MON2: variants seen among roughly 807,000 people sequenced by gnomAD.
MON2 encodes protein MON2 homolog.
Under a neutral mutation model 208.6 loss-of-function variants are expected in MON2, and 84 were observed. That is an observed-to-expected ratio of 0.40 (90% confidence interval 0.34 to 0.48). The LOEUF is 0.48. Ranked by LOEUF, MON2 falls within the 20% of genes least tolerant of loss-of-function variation. MON2 has a pLI of 0.59. For synonymous variants in MON2, 660 were observed against 694.0 expected, an observed-to-expected ratio of 0.95 and a Z score of 0.77; for missense variants, 1,611 against 2,015.4, an observed-to-expected ratio of 0.80 and a Z score of 3.84.
intron 19 of MON2, among the ~76,000 whole-genome samples, chr12:62,539,943 T>C (rs572634414): frequency 1.3e-5 from 2 of 152,018 alleles, no homozygotes; most frequent in Admixed American, 6.6e-5. Context: ...CGCTCCAGCC[T>C]GGGCGACAGA....
At chr12:62,472,819 C>G (rs989834063) in intron 1 of MON2, among the ~76,000 whole-genome samples, 1 of 152,128 alleles carries the variant, frequency 6.6e-6, no homozygotes, top group African/African-American at 2.4e-5. Context: ...AATGTGGTTT[C>G]TTCCTCTTGA....
chr12:62,566,510 C>G (rs1165209347), intron 29 of MON2, 60 bp downstream of exon 29: 1 of 1,444,890 alleles, frequency 6.9e-7, no homozygotes, highest in Non-Finnish European at 9.5e-7. Flanking sequence ...GAAATTATTC[C>G]TTAGGTAATA....
In MON2 at chr12:62,466,926, G is replaced by A. The variant is rs2068544480; in HGVS notation, c.-282G>A. The A allele has an allele frequency of 2.0e-6, 1 of 492,264 alleles. No homozygotes were observed. Among genetic ancestry groups the A allele is most frequent in the Non-Finnish European group, 3.6e-6 (1 of 278,268 alleles). The allele number at this position is 492,264 out of a possible 1,614,324, so 30.5% of individuals were successfully genotyped here. ...GACACCCGGTGTGGCTGGGCCCCGC[G>A]GCAGCGGAGGGACCTGCCCGCCTTG... On this transcript the variant is annotated 5_prime_UTR_variant, in exon 1 of 35. Coordinates refer to ENST00000393630, the MANE Select transcript of MON2 (RefSeq NM_015026.3).
intron 19 of MON2, 74 bp from the exon 20 acceptor site, chr12:62,543,023 T>C: frequency 1.3e-6 from 1 of 766,592 alleles, no homozygotes; most frequent in Non-Finnish European, 2.1e-6. Context: ...TTCAGAGTAT[T>C]CTCAGTTTTA....
At chr12:62,568,418 G>A (rs976057011) in intron 29 of MON2, among the ~76,000 whole-genome samples, 3 of 151,866 alleles carry the variant, frequency 2.0e-5, no homozygotes, top group East Asian at 1.9e-4. Context: ...AGCTTATTGC[G>A]GCCTCAAGCT....
chr12:62,501,533 T>G (rs746919602), intron 6 of MON2, 40 bp from the exon 7 acceptor site: 132 of 1,602,682 alleles, frequency 8.2e-5, no homozygotes, highest in Non-Finnish European at 1.1e-4. Context: ...AAAAGCACAT[T>G]TAATTCTAGC....
chr12:62,481,260 C>T (rs941639343), intron 1 of MON2, among the ~76,000 whole-genome samples: 4 of 152,192 alleles, frequency 2.6e-5, no homozygotes, highest in African/African-American at 9.6e-5. Context: ...GGCGTGGTGG[C>T]TCACGCCTGT....
intron 8 of MON2, among the ~76,000 whole-genome samples, chr12:62,512,754 C>T (rs1330940428): frequency 2.0e-5 from 3 of 152,204 alleles, no homozygotes; most frequent in Non-Finnish European, 2.9e-5. Flanking sequence ...CTCACATTTC[C>T]CTTCTGTATT....
intron 25 of MON2, among the ~76,000 whole-genome samples, chr12:62,557,646 T>G (rs990556110): frequency 1.3e-5 from 2 of 152,140 alleles, no homozygotes; most frequent in Non-Finnish European, 2.9e-5. Context: ...AACTAATTTA[T>G]GTTAAAGCAC....
chr12:62,592,973 A>T lies in MON2; in HGVS notation c.*224A>T, dbSNP rs2075442727. The T allele has an allele frequency of 2.5e-6, 1 of 400,712 alleles. No homozygotes were observed. The highest frequency in any genetic ancestry group is 2.0e-5 in the African/African-American group (1 of 51,098). 24.8% of individuals were successfully genotyped at this position (400,712 alleles called of 1,614,324 possible). A position where few individuals can be genotyped will look rare whatever the true frequency, so the allele number is the denominator to read the frequency against. Reference sequence around the variant, plus strand: ...TGTAAGGCTTTAATAAATTAAACTGATGGGAGGGATAATTAACACTACAGT... The same window carrying T: ...TGTAAGGCTTTAATAAATTAAACTGTTGGGAGGGATAATTAACACTACAGT... On this transcript the variant is annotated 3_prime_UTR_variant, in exon 35 of 35. Coordinates refer to ENST00000393630, the MANE Select transcript of MON2 (RefSeq NM_015026.3).
chr12:62,580,499 A>G lies in MON2; in HGVS notation c.4699+79A>G, dbSNP rs995306510. 1.2e-5 allele frequency: 15 copies of G among 1,298,052 alleles called. No homozygotes were observed. In the Admixed American group the frequency reaches 2.9e-4, roughly 25 times the overall value. The allele number at this position is 1,298,052 out of a possible 1,614,324, so 80.4% of individuals were successfully genotyped here. On this transcript the variant is annotated intron_variant, in intron 32 of 34. Transcript: ENST00000393630. ...GTCAGTAGAAATGTTTAATCCTATG[A>G]TTTTGGTAATGTAAACTGGAGAATG...
intron 19 of MON2, among the ~76,000 whole-genome samples, chr12:62,538,774 TATA>T (rs915786924): frequency 2.5e-4 from 38 of 152,184 alleles, no homozygotes; most frequent in Admixed American, 2.4e-3. Context: ...TATAAAATAA[TATA>T]ATACAGTTTT....
intron 1 of MON2, among the ~76,000 whole-genome samples, chr12:62,473,155 A>C (rs1461911169): frequency 2.6e-5 from 4 of 152,248 alleles, no homozygotes; most frequent in Non-Finnish European, 4.4e-5. Context: ...CTTTAGTCTC[A>C]TGAAGTTAAC....
intron 7 of MON2, among the ~76,000 whole-genome samples, chr12:62,506,521 G>A (rs1035108994): frequency 6.6e-6 from 1 of 152,002 alleles, no homozygotes; most frequent in Non-Finnish European, 1.5e-5. Context: ...GATCACCTGA[G>A]GTCAGGAGAG....
At chr12:62,550,905 CTTT>C (rs2073707781) in intron 23 of MON2, among the ~76,000 whole-genome samples, 1 of 118,394 alleles carries the variant, frequency 8.4e-6, no homozygotes, top group African/African-American at 3.2e-5. Flanking sequence ...TTTCTTCTTT[CTTT>C]CTTTTTTTTT....
intron 8 of MON2, among the ~76,000 whole-genome samples, chr12:62,512,252 C>G (rs781554348): frequency 3.3e-5 from 5 of 152,166 alleles, no homozygotes; most frequent in Non-Finnish European, 7.3e-5. Flanking sequence ...AGCATTAACT[C>G]AGAAGTCCAC....
In MON2 at chr12:62,525,046, AAATGTTTTTCCCAAAAACCTTTT is replaced by A; in HGVS notation, c.1110-35_1110-13del. ...AAGGTTTACAGTTTTTAATATATTC[AAATGTTTTTCCCAAAAACCTTTT>A]AAATTATTTTACAGGTCATTTTGTC... is the stretch of plus-strand genomic sequence containing the variant. On this transcript the variant is annotated splice_polypyrimidine_tract_variant and intron_variant, in intron 9 of 34. Transcript: ENST00000393630. 6.5e-7 allele frequency: 1 copy of A among 1,547,704 alleles called. No homozygotes were observed. Among genetic ancestry groups the A allele is most frequent in the Non-Finnish European group, 8.9e-7 (1 of 1,126,828 alleles).
intron 26 of MON2, among the ~76,000 whole-genome samples, chr12:62,562,774 A>C (rs1052407983): frequency 6.6e-6 from 1 of 152,110 alleles, no homozygotes; most frequent in Non-Finnish European, 1.5e-5. Context: ...TTCTGATATC[A>C]TGTTTTCTTT....
At chr12:62,566,124 C>A (rs2074377656) in intron 28 of MON2, 93 bp downstream of exon 28, 4 of 1,415,864 alleles carry the variant, frequency 2.8e-6, no homozygotes, top group South Asian at 1.3e-5. Flanking sequence ...TGTGCTTTTT[C>A]CAATAGTTTT....
Sources: gnomAD v4.1 joint callset for allele counts (sites outside exome capture counted in the v4.1 genomes callset) on GRCh38, gnomAD v4.1.1 for gene constraint, MANE v1.5 for transcripts, NCBI Gene and HGNC (gene_info 2026-07-23, HGNC 2026-07-21) for gene names.